The following SETBP1 variants were observed in gnomAD, a reference collection of about 807,000 sequenced individuals.
The protein encoded by SETBP1 is SET-binding protein.
SETBP1 carries 9 observed loss-of-function variants against 101.0 expected under a neutral mutation model. The ratio of observed to expected loss-of-function variants is 0.09; its 90% CI spans 0.05 to 0.16. SETBP1 has a LOEUF of 0.16. Ranked by LOEUF, SETBP1 falls within the 10% of genes least tolerant of loss-of-function variation. SETBP1 has a pLI of 1.00. For missense variants in SETBP1, 1,858 were observed against 2,033.8 expected (o/e 0.91, Z 1.66); for synonymous variants, 818 against 788.5 (o/e 1.04, Z -0.63).
chr18:45,063,299 C>G lies in SETBP1; in HGVS notation c.4392C>G (p.Phe1464Leu). The change falls in exon 6 of 6, where the codon TTC becomes TTG. Residue 1464 changes from phenylalanine to leucine, a missense_variant. This residue lies in a region of SETBP1 where 178 missense variants were observed against 189.1 expected (regional missense o/e 0.94). Coordinates refer to ENST00000649279, the MANE Select transcript of SETBP1 (RefSeq NM_015559.3). The part of the protein sequence containing the change: ...RGRPRKQPTQ[F>L]DEDSRDQMPV... ...GTCCCAGGAAGCAGCCCACCCAGTT[C>G]GATGAGGACTCCAGAGACCAAATGC... The G allele has an allele frequency of 6.2e-7, 1 of 1,606,500 alleles. No individual in the cohort carries two copies. Among genetic ancestry groups the G allele is most frequent in the Non-Finnish European group, 8.5e-7 (1 of 1,176,272 alleles).
intron 2 of SETBP1, among the ~76,000 whole-genome samples, chr18:44,804,440 C>G (rs1249982488): frequency 6.6e-6 from 1 of 151,996 alleles, no homozygotes; most frequent in East Asian, 1.9e-4. Context: ...CCGTGGAGAG[C>G]CTGGAGAACA....
chr18:45,059,655 A>G (rs997671968), intron 5 of SETBP1, among the ~76,000 whole-genome samples: 2 of 152,198 alleles, frequency 1.3e-5, no homozygotes, highest in Non-Finnish European at 2.9e-5. Flanking sequence ...GCCACTAGCC[A>G]CACTGTAGCT....
In SETBP1 at chr18:44,685,734, G is replaced by A. The variant is rs192431847; in HGVS notation, c.-173+4713G>A. Among the ~76,000 whole-genome samples the A allele has an allele frequency of 7.6e-4, 115 of 152,308 alleles. 1 individual carries two copies. Among genetic ancestry groups the A allele is most frequent in the Admixed American group, 2.4e-3 (36 of 15,296 alleles). On this transcript the variant is annotated intron_variant, in intron 1 of 5. Transcript: ENST00000649279. ...TCCATGCTGCCTCCTGGAAACTGGT[G>A]CCTGGGATTATTGTTGCCATAGCCC...
intron 2 of SETBP1, chr18:44,732,925 A>G (rs2069870046): frequency 6.6e-6 from 1 of 152,118 alleles, no homozygotes; most frequent in Admixed American, 6.5e-5. Context: ...GGCAGCTCGC[A>G]CCTTTCACTT....
At chr18:44,768,497 G>A (rs916846808) in intron 2 of SETBP1, among the ~76,000 whole-genome samples, 5 of 152,078 alleles carry the variant, frequency 3.3e-5, no homozygotes, top group East Asian at 1.9e-4. Context: ...TTCAATTAAT[G>A]TTTCTCTACT....
chr18:44,994,061 C>T (rs1013795565), intron 4 of SETBP1, among the ~76,000 whole-genome samples: 9 of 151,842 alleles, frequency 5.9e-5, no homozygotes, highest in African/African-American at 1.9e-4. Flanking sequence ...ATAATGATAG[C>T]CTATCAACTG....
At chr18:44,960,059 G>A (rs1429277210) in intron 4 of SETBP1, among the ~76,000 whole-genome samples, 1 of 152,082 alleles carries the variant, frequency 6.6e-6, no homozygotes, top group East Asian at 1.9e-4. Context: ...TGCAAGCCCA[G>A]CTAATTTTTG....
intron 4 of SETBP1, chr18:44,989,011 A>G (rs1451251210): frequency 6.6e-6 from 1 of 152,246 alleles, no homozygotes. Flanking sequence ...CTTAGTAACC[A>G]TGACTCAAAT....
At chr18:44,755,835 C>G (rs1340809201) in intron 2 of SETBP1, among the ~76,000 whole-genome samples, 3 of 152,072 alleles carry the variant, frequency 2.0e-5, no homozygotes, top group Non-Finnish European at 4.4e-5. Context: ...ACCAATACAG[C>G]TTGGTTAAAA....
chr18:44,930,825 C>G (rs886177283), intron 3 of SETBP1, among the ~76,000 whole-genome samples: 3 of 151,254 alleles, frequency 2.0e-5, no homozygotes, highest in Admixed American at 6.6e-5. Context: ...AGTCTTCTCT[C>G]TTTTCTTCTT....
intron 2 of SETBP1, among the ~76,000 whole-genome samples, chr18:44,719,039 T>A (rs2069526361): frequency 6.6e-6 from 1 of 152,084 alleles, no homozygotes; most frequent in Non-Finnish European, 1.5e-5. Context: ...TGAAGACACA[T>A]GGGGTTTTAT....
chr18:45,033,313 G>A lies in SETBP1; in HGVS notation c.4001-5172G>A, dbSNP rs141933530. Among the ~76,000 whole-genome samples the A allele has an allele frequency of 1.1e-4, 17 of 152,220 alleles. No homozygotes were observed. The East Asian group carries it at 2.1e-3, about 19-fold the overall frequency. On this transcript the variant is annotated intron_variant, in intron 4 of 5. Transcript: ENST00000649279. ...GAAACATGGATTTCAGCTTCGCTTC[G>A]TCCACACATATGATATGTGAGCTTG...
intron 3 of SETBP1, among the ~76,000 whole-genome samples, chr18:44,912,606 A>G (rs1485976548): frequency 2.0e-5 from 3 of 151,920 alleles, no homozygotes; most frequent in African/African-American, 7.3e-5. Context: ...TTTAGTAGAG[A>G]AGGGGTTTCA....
At chr18:44,910,281 C>G (rs1252029252) in intron 3 of SETBP1, among the ~76,000 whole-genome samples, 1 of 152,152 alleles carries the variant, frequency 6.6e-6, no homozygotes, top group Admixed American at 6.5e-5. Context: ...CAGGGACAAA[C>G]AGCAATGACT....
intron 4 of SETBP1, among the ~76,000 whole-genome samples, chr18:45,020,963 G>C (rs1389093002): frequency 6.6e-6 from 1 of 152,134 alleles, no homozygotes; most frequent in Non-Finnish European, 1.5e-5. Context: ...AATTCAATAT[G>C]TGTGGTTTGT....
intron 2 of SETBP1, among the ~76,000 whole-genome samples, chr18:44,788,752 C>A (rs1357076245): frequency 2.6e-5 from 4 of 150,980 alleles, no homozygotes; most frequent in Admixed American, 1.3e-4. Flanking sequence ...AAGAACAACT[C>A]CCCACTCAGA....
At chr18:44,766,547 A>G (rs1183792004) in intron 2 of SETBP1, among the ~76,000 whole-genome samples, 1 of 152,166 alleles carries the variant, frequency 6.6e-6, no homozygotes, top group Admixed American at 6.5e-5. Flanking sequence ...GATAGAAGGG[A>G]AGGAGGGGTT....
chr18:44,857,554 C>CA (rs11412013), intron 2 of SETBP1, among the ~76,000 whole-genome samples: 151,363 of 152,330 alleles, frequency 0.99, 75,211 homozygotes, highest in East Asian at 1. Flanking sequence ...GTGGGCCCTT[C>CA]TTTGTGCTAT....
At chr18:44,763,274 G>T (rs1432128174) in intron 2 of SETBP1, among the ~76,000 whole-genome samples, 1 of 152,186 alleles carries the variant, frequency 6.6e-6, no homozygotes, top group Non-Finnish European at 1.5e-5. Context: ...TTAAATGCAA[G>T]GTCATGGAAG....
Sources: gnomAD v4.1 joint callset for allele counts (sites outside exome capture counted in the v4.1 genomes callset) on GRCh38, gnomAD v4.1.1 for gene constraint, gnomAD v4.1.1 regional missense constraint, MANE v1.5 for transcripts, NCBI Gene and HGNC (gene_info 2026-07-23, HGNC 2026-07-21) for gene names.